DPP4: variants seen among roughly 807,000 people sequenced by gnomAD.
The protein encoded by DPP4 is dipeptidyl peptidase 4.
A neutral mutation model predicts 122.4 loss-of-function variants in DPP4; 93 were observed. That is an observed-to-expected ratio of 0.76 (90% CI 0.64 to 0.90). DPP4 has a LOEUF of 0.90. Among genes scored for constraint, DPP4 ranks in the 40% least tolerant of loss-of-function variants. DPP4 has a pLI of 0.00. For missense variants in DPP4, 914 were observed against 907.3 expected (o/e 1.01, Z -0.09); for synonymous variants, 321 against 302.9 (o/e 1.06, Z -0.62).
chr2:162,053,438 AAC>A (rs910359030), intron 2 of DPP4, among the ~76,000 whole-genome samples: 4 of 152,218 alleles, frequency 2.6e-5, no homozygotes, highest in African/African-American at 9.6e-5. Flanking sequence ...AAAAAAAAAA[AAC>A]AAAAATAACT....
At chr2:162,068,501 T>C (rs1685019252) in intron 2 of DPP4, among the ~76,000 whole-genome samples, 1 of 152,156 alleles carries the variant, frequency 6.6e-6, no homozygotes, top group Admixed American at 6.5e-5. Flanking sequence ...TCCTGGTATT[T>C]ACACACTTGT....
chr2:162,013,214 T>A (rs1682769669), intron 19 of DPP4, among the ~76,000 whole-genome samples: 2 of 152,050 alleles, frequency 1.3e-5, no homozygotes, highest in African/African-American at 4.8e-5. Flanking sequence ...AAATTTACCA[T>A]TTTTTAAAAC....
chr2:162,064,262 A>G (rs756546624), intron 2 of DPP4, among the ~76,000 whole-genome samples: 1 of 152,166 alleles, frequency 6.6e-6, no homozygotes, highest in Admixed American at 6.5e-5. Flanking sequence ...AGGAAGGAAT[A>G]AGGGTCCACT....
At chr2:162,067,328 T>C (rs1256271988) in intron 2 of DPP4, among the ~76,000 whole-genome samples, 1 of 152,010 alleles carries the variant, frequency 6.6e-6, no homozygotes, top group African/African-American at 2.4e-5. Flanking sequence ...AGTTTTGGGG[T>C]CCCCAGTTTT....
At chr2:162,019,442 T>G (rs1306116694) in intron 14 of DPP4, among the ~76,000 whole-genome samples, 166 bp from the exon 15 acceptor site, 2 of 152,038 alleles carry the variant, frequency 1.3e-5, no homozygotes, top group Admixed American at 6.6e-5. Flanking sequence ...AAGCCATTTT[T>G]CTCCGTCATC....
At position 162,030,700 on chromosome 2, in the gene DPP4, C is replaced by A. The variant is rs536348063; in HGVS notation, c.887+2841G>T. Among the ~76,000 whole-genome samples, 382 of 152,278 alleles carry A rather than the reference C, an allele frequency of 2.5e-3. 3 individuals are homozygous for A. The highest frequency in any genetic ancestry group is 8.6e-3 in the African/African-American group (358 of 41,562). On this transcript the variant is annotated intron_variant, in intron 10 of 25. Coordinates refer to ENST00000360534, the MANE Select transcript of DPP4 (RefSeq NM_001935.4). ...AGTCTAGTTCTAGAAAAACCGCAAC[C>A]TTACCAGTGTTAACAGAGACCAGAG...
chr2:162,038,860 A>G (rs1358508918), intron 7 of DPP4, 89 bp downstream of exon 7: 2 of 1,156,656 alleles, frequency 1.7e-6, no homozygotes, highest in Admixed American at 1.7e-5. Context: ...TTGAGTTCCT[A>G]AGATGTCTGC....
chr2:162,037,173 C>T (rs900606963), intron 8 of DPP4, among the ~76,000 whole-genome samples: 1 of 152,132 alleles, frequency 6.6e-6, no homozygotes, highest in Non-Finnish European at 1.5e-5. Flanking sequence ...ATGGCCTAGT[C>T]GTGAACATGC....
chr2:162,056,406 G>A (rs1471872080), intron 2 of DPP4, among the ~76,000 whole-genome samples: 1 of 152,156 alleles, frequency 6.6e-6, no homozygotes, highest in Non-Finnish European at 1.5e-5. Context: ...ACAGCTCCAA[G>A]TACAATATGT....
At chr2:162,005,847 T>A in intron 22 of DPP4, 38 bp from the exon 23 acceptor site, 5 of 1,557,004 alleles carry the variant, frequency 3.2e-6, no homozygotes, top group Non-Finnish European at 3.5e-6. Flanking sequence ...GTTTAATTCA[T>A]ACAATAACAA....
intron 21 of DPP4, 48 bp downstream of exon 21, chr2:162,009,189 CTGAG>C: frequency 6.4e-7 from 1 of 1,565,208 alleles, no homozygotes; most frequent in Non-Finnish European, 8.8e-7. Flanking sequence ...GTAACCTGCT[CTGAG>C]TGATATTCAC....
chr2:162,032,093 T>C (rs1017186026), intron 10 of DPP4: 19 of 152,248 alleles, frequency 1.2e-4, no homozygotes, highest in African/African-American at 4.6e-4. Flanking sequence ...AGAAAATGGA[T>C]GCTTCCGTAC....
chr2:162,028,066 AAAAAAC>A (rs1159934054), intron 10 of DPP4, among the ~76,000 whole-genome samples: 2 of 151,530 alleles, frequency 1.3e-5, no homozygotes, highest in African/African-American at 4.9e-5. Flanking sequence ...TTAAAAAAAA[AAAAAAC>A]AAAAAACTGC....
chr2:162,011,881 C>T lies in DPP4; in HGVS notation c.1744G>A (p.Gly582Arg), dbSNP rs1027492217. The T allele has an allele frequency of 6.2e-7, 1 of 1,613,582 alleles. No individual in the cohort carries two copies. The highest frequency in any genetic ancestry group is 1.7e-5 in the Admixed American group (1 of 59,974). ...NIIVASFDGR[G>R]SGYQGDKIMH... ...ATCTTATCTCCTTGGTAACCACTTC[C>T]TCTGCCATCAAAGCTAGCTACTATA... is the stretch of plus-strand genomic sequence containing the variant. The change falls in exon 20 of 26, where the codon GGA becomes AGA. Residue 582 changes from glycine (G) to arginine (R), a missense_variant. Coordinates refer to ENST00000360534, the MANE Select transcript of DPP4 (RefSeq NM_001935.4).
intron 2 of DPP4, among the ~76,000 whole-genome samples, chr2:162,068,066 C>A (rs764523747): frequency 6.6e-6 from 1 of 152,132 alleles, no homozygotes; most frequent in South Asian, 2.1e-4. Context: ...ACATCAGAAG[C>A]AAAGCAAGTG....
At chr2:162,013,970 GA>G (rs1682810248) in intron 19 of DPP4, among the ~76,000 whole-genome samples, 2 of 152,248 alleles carry the variant, frequency 1.3e-5, no homozygotes, top group East Asian at 3.9e-4. Flanking sequence ...AAGGGGAATA[GA>G]AAATAGCCGG....
rs57726275 is a variant in DPP4, at chr2:162,020,319, A to C, written c.1177-23T>G. 26,503 of 321,824 alleles carry C rather than the reference A, an allele frequency of 0.082. 245 individuals are homozygous for C. Among genetic ancestry groups the C allele is most frequent in the East Asian group, 0.32 (894 of 2,776 alleles). The allele number at this position is 321,824 out of a possible 1,614,324, so 19.9% of individuals were successfully genotyped here. The stretch of plus-strand genomic sequence containing the variant: ...GTCCTGATGGTTTTTTTTTTTTTTC[A>C]AAAAAAAAAAAAAGATTGATTAGAG... On this transcript the variant is annotated intron_variant, in intron 13 of 25. Transcript: ENST00000360534.
In DPP4 at chr2:162,047,517, A is replaced by G. The variant is rs776294773; in HGVS notation, c.95-16T>C. On this transcript the variant is annotated splice_polypyrimidine_tract_variant and intron_variant, in intron 2 of 25. Transcript: ENST00000360534. ...GCATCATCTGCTGGTTGAAAGAAAGAGCCAAATGTTCATTTCAGTAAGATG... is the reference window on the plus strand; with the variant it reads ...GCATCATCTGCTGGTTGAAAGAAAGGGCCAAATGTTCATTTCAGTAAGATG... The G allele has an allele frequency of 2.0e-6, 3 of 1,526,702 alleles. No homozygotes were observed. Among genetic ancestry groups the G allele is most frequent in the East Asian group, 2.3e-5 (1 of 43,870 alleles). 94.6% of individuals were successfully genotyped at this position (1,526,702 alleles called of 1,614,324 possible).
At chr2:162,046,076 T>G (rs145594083) in intron 4 of DPP4, among the ~76,000 whole-genome samples, 12 of 152,154 alleles carry the variant, frequency 7.9e-5, no homozygotes, top group Admixed American at 2.0e-4. Context: ...TTTTTTTGCA[T>G]GTGGAAGTGA....
Sources: allele counts gnomAD v4.1 joint callset (sites outside exome capture counted in the v4.1 genomes callset), GRCh38; gene constraint gnomAD v4.1.1; transcripts MANE v1.5; gene names NCBI Gene and HGNC (gene_info 2026-07-23, HGNC 2026-07-21).